The following SEC14L5 variants were observed in gnomAD, a reference collection of about 807,000 sequenced individuals.
The protein encoded by SEC14L5 is SEC14 like lipid binding 5.
In SEC14L5, 96 loss-of-function variants were observed where a neutral mutation model predicts 84.6. The ratio of observed to expected loss-of-function variants is 1.13; its 90% CI spans 0.96 to 1.34. The LOEUF (loss-of-function observed/expected upper bound fraction) is 1.34. Among genes scored for constraint, SEC14L5 ranks in the 40% most tolerant of loss-of-function variants. The probability of loss-of-function intolerance (pLI) is 0.00; values close to 1 mark genes in which losing one functional copy is unlikely to be tolerated. For missense variants in SEC14L5, 1,224 were observed against 942.5 expected, an observed-to-expected ratio of 1.30 and a Z score of -3.91; for synonymous variants, 546 against 383.4, an observed-to-expected ratio of 1.42 and a Z score of -4.95.
intron 2 of SEC14L5, among the ~76,000 whole-genome samples, chr16:4,983,405 T>C (rs1955447298): frequency 6.7e-6 from 1 of 149,496 alleles, no homozygotes; most frequent in Non-Finnish European, 1.5e-5. Flanking sequence ...TATATATTTA[T>C]AGATATGTAT....
At chr16:4,969,456 G>A (rs561233359) in intron 2 of SEC14L5, among the ~76,000 whole-genome samples, 15 of 151,290 alleles carry the variant, frequency 9.9e-5, no homozygotes, top group Non-Finnish European at 1.3e-4. Flanking sequence ...GCCATCTCGC[G>A]CATGGCAACC....
chr16:4,972,562 C>T (rs1408954934), intron 2 of SEC14L5, among the ~76,000 whole-genome samples: 2 of 152,180 alleles, frequency 1.3e-5, no homozygotes, highest in East Asian at 3.9e-4. Context: ...TTCTAGGTAC[C>T]TCATAGAAAA....
chr16:5,011,788 G>C (rs935727562), intron 15 of SEC14L5, among the ~76,000 whole-genome samples: 1 of 152,114 alleles, frequency 6.6e-6, no homozygotes, highest in African/African-American at 2.4e-5. Flanking sequence ...GGAACCACTG[G>C]AGCCCCAGTC....
intron 15 of SEC14L5, among the ~76,000 whole-genome samples, chr16:5,014,160 C>T (rs945764066): frequency 1.2e-4 from 18 of 152,234 alleles, no homozygotes; most frequent in Admixed American, 1.2e-3. Flanking sequence ...AATTCAGTGC[C>T]TCAGTCGCAT....
intron 2 of SEC14L5, among the ~76,000 whole-genome samples, chr16:4,984,244 C>G (rs1245647930): frequency 1.3e-5 from 2 of 152,174 alleles, no homozygotes; most frequent in African/African-American, 2.4e-5. Context: ...CTGTCTCTCT[C>G]TATTTGCCCG....
At chr16:5,013,085 A>T (rs2142538066) in intron 15 of SEC14L5, among the ~76,000 whole-genome samples, 1 of 152,146 alleles carries the variant, frequency 6.6e-6, no homozygotes, top group East Asian at 1.9e-4. Context: ...CCTCATGAGA[A>T]CTCATTCACT....
At chr16:5,013,550 CTT>C (rs869041446) in intron 15 of SEC14L5, among the ~76,000 whole-genome samples, 2 of 44,958 alleles carry the variant, frequency 4.4e-5, no homozygotes, top group South Asian at 1.2e-3. Flanking sequence ...GCTTGCCTGG[CTT>C]TTTTTTTTTT....
At chr16:4,992,067 GC>G in intron 6 of SEC14L5, 37 bp downstream of exon 6, 1 of 1,376,514 alleles carries the variant, frequency 7.3e-7, no homozygotes, top group Admixed American at 2.6e-5. Context: ...GCCCTAGGAG[GC>G]TGCTGCAGGT....
At chr16:4,985,797 A>G (rs973933139) in intron 2 of SEC14L5, among the ~76,000 whole-genome samples, 8 of 150,576 alleles carry the variant, frequency 5.3e-5, no homozygotes, top group African/African-American at 1.9e-4. Context: ...CTATATTTAT[A>G]AAATTATATT....
intron 6 of SEC14L5, among the ~76,000 whole-genome samples, chr16:4,993,923 G>A (rs893406314): frequency 6.7e-6 from 1 of 149,786 alleles, no homozygotes; most frequent in Non-Finnish European, 1.5e-5. Context: ...TTTTCATTAT[G>A]AGCAAGATCA....
rs770585482 is a variant in SEC14L5 at position 5,014,963 on chromosome 16, C to A, written c.2084C>A (p.Ser695Tyr). Residue 695 changes from serine to tyrosine, a missense_variant, in exon 16 of 16, where the codon TCC (serine) becomes TAC (tyrosine). Physicochemically the swap from Ser to Tyr is moderately radical, Grantham distance 144 (BLOSUM62 -2). Transcript: ENST00000251170. ...SGQSHSSSLV[S>Y]R is the part of the protein sequence containing the mutation. ...CAGTCTCATAGCAGCTCCCTGGTCT[C>A]CAGATAGCCGGGCCCAGTGTTTCAG... 4 of 1,609,824 alleles carry A rather than the reference C, an allele frequency of 2.5e-6. No homozygotes were observed. Among genetic ancestry groups the A allele is most frequent in the Middle Eastern group, 3.3e-4 (2 of 6,060 alleles).
At chr16:4,998,145 A>G (rs1012088558) in intron 8 of SEC14L5, among the ~76,000 whole-genome samples, 18 of 151,626 alleles carry the variant, frequency 1.2e-4, no homozygotes, top group Non-Finnish European at 1.5e-4. Context: ...AGCTGGGACT[A>G]CAGGCGTGCA....
Position 5,000,900 on chromosome 16 carries a change from A to G in SEC14L5, c.1105A>G (p.Thr369Ala). Reference protein sequence around the residue: ...EEGQKRCEGSTRQLGRPISSW... With the variant: ...EEGQKRCEGSARQLGRPISSW... ...AGGACAGAAGCGGTGTGAGGGGAGC[A>G]CAAGGCAGCTGGGCCGTCCCATCAG... The change falls in exon 10 of 16, where the codon ACA (threonine) becomes GCA (alanine). Residue 369 changes from threonine (T) to alanine (A), a missense_variant. By Grantham distance (58) the Thr-to-Ala change is moderately conservative (BLOSUM62 0). Transcript: ENST00000251170. 1 of 1,608,534 alleles carries G rather than the reference A, an allele frequency of 6.2e-7. No homozygotes were observed. The highest frequency in any genetic ancestry group is 8.5e-7 in the Non-Finnish European group (1 of 1,177,708).
chr16:4,959,189 A>G lies in SEC14L5; in HGVS notation c.-51-84A>G. ...GCTGGGGAGCTGTGTGGGTGGGGCC[A>G]GGGGCTGCCCCTTACACTTGGTGGG... On this transcript the variant is annotated intron_variant, in intron 1 of 15. Transcript: ENST00000251170. 4 of 694,826 alleles carry G rather than the reference A, an allele frequency of 5.8e-6. No homozygotes were observed. The South Asian group carries it at 6.4e-5, about 11-fold the overall frequency. The allele number at this position is 694,826 out of a possible 1,614,324, so 43.0% of individuals were successfully genotyped here. A position where few individuals can be genotyped will look rare whatever the true frequency, so the allele number is the denominator to read the frequency against.
intron 2 of SEC14L5, among the ~76,000 whole-genome samples, chr16:4,972,218 G>A (rs1955288283): frequency 6.6e-6 from 1 of 152,192 alleles, no homozygotes; most frequent in Admixed American, 6.5e-5. Flanking sequence ...GCCCAGGCTG[G>A]TCTCAAACTC....
intron 2 of SEC14L5, among the ~76,000 whole-genome samples, chr16:4,971,403 G>T (rs1315392916): frequency 6.6e-6 from 1 of 152,142 alleles, no homozygotes; most frequent in African/African-American, 2.4e-5. Context: ...AGGCTGCAGT[G>T]AGCCGTGATC....
chr16:4,987,507 G>GT (rs1263914612), intron 2 of SEC14L5, 50 bp from the exon 3 acceptor site: 3 of 1,453,134 alleles, frequency 2.1e-6, no homozygotes, highest in East Asian at 2.7e-5. Flanking sequence ...TGGGGGGGGG[G>GT]GTCCCTCTGC....
At chr16:5,006,486 G>A (rs907497305) in intron 12 of SEC14L5, among the ~76,000 whole-genome samples, 1 of 152,144 alleles carries the variant, frequency 6.6e-6, no homozygotes, top group Admixed American at 6.5e-5. Flanking sequence ...AGCCTGAAAC[G>A]ATCAGGAACC....
intron 14 of SEC14L5, 70 bp downstream of exon 14, chr16:5,008,718 G>T: frequency 7.2e-7 from 1 of 1,386,514 alleles, no homozygotes; most frequent in East Asian, 2.3e-5. Flanking sequence ...CCAGGCTTCT[G>T]GGGATACAGC....
Sources: allele counts gnomAD v4.1 joint callset (sites outside exome capture counted in the v4.1 genomes callset), GRCh38; gene constraint gnomAD v4.1.1; transcripts MANE v1.5; gene names NCBI Gene and HGNC (gene_info 2026-07-23, HGNC 2026-07-21).